RGS7: variants seen among roughly 807,000 people sequenced by gnomAD.
RGS7 encodes regulator of G protein signaling 7.
Under a neutral mutation model 81.1 loss-of-function variants are expected in RGS7, and 27 were observed. The ratio of observed to expected loss-of-function variants is 0.33; its 90% CI spans 0.25 to 0.46. The LOEUF is 0.46. RGS7 is among the 20% of genes least tolerant of loss of function. The pLI is 1.00. For missense variants in RGS7, 396 were observed against 607.4 expected (o/e 0.65, Z 3.66); for synonymous variants, 208 against 207.7 (o/e 1.00, Z -0.01).
intron 3 of RGS7, among the ~76,000 whole-genome samples, chr1:241,074,231 A>G (rs1472541130): frequency 1.3e-5 from 2 of 152,206 alleles, no homozygotes; most frequent in African/African-American, 2.4e-5. Context: ...AAGAGGAACA[A>G]TGGTGCTTTG....
At chr1:241,026,766 G>A (rs600901) in intron 3 of RGS7, among the ~76,000 whole-genome samples, 66,846 of 151,564 alleles carry the variant, frequency 0.44, 15,132 homozygotes, top group Middle Eastern at 0.54. Context: ...GTTAAGTACT[G>A]TGTGAAAATC....
At chr1:241,108,418 C>T (rs766594119) in intron 2 of RGS7, among the ~76,000 whole-genome samples, 3 of 151,746 alleles carry the variant, frequency 2.0e-5, no homozygotes, top group Non-Finnish European at 2.9e-5. Flanking sequence ...GACAGAAAGA[C>T]GGAAGTAGCA....
chr1:241,285,601 GAAGTT>G (rs1203887007), intron 2 of RGS7, among the ~76,000 whole-genome samples: 1 of 152,200 alleles, frequency 6.6e-6, no homozygotes, highest in African/African-American at 2.4e-5. Context: ...GAGTTACAGA[GAAGTT>G]AAGTAGCTTG....
At chr1:240,874,373 C>T (rs1037589295) in intron 6 of RGS7, among the ~76,000 whole-genome samples, 14 of 152,044 alleles carry the variant, frequency 9.2e-5, no homozygotes, top group Non-Finnish European at 2.1e-4. Flanking sequence ...TCACCAAGAA[C>T]CATGAACTGA....
chr1:240,996,096 T>C (rs1046065691), intron 3 of RGS7, among the ~76,000 whole-genome samples: 9 of 152,182 alleles, frequency 5.9e-5, no homozygotes, highest in Non-Finnish European at 1.2e-4. Flanking sequence ...GTTTGGAGAT[T>C]TTCCTTTTAG....
intron 3 of RGS7, among the ~76,000 whole-genome samples, chr1:240,987,065 C>T (rs973605298): frequency 2.0e-5 from 3 of 152,160 alleles, no homozygotes; most frequent in Non-Finnish European, 2.9e-5. Context: ...ACGTCTGCAC[C>T]CCTCCCCAGG....
At chr1:240,867,775 C>T (rs1165287150) in intron 9 of RGS7, among the ~76,000 whole-genome samples, 9 of 152,062 alleles carry the variant, frequency 5.9e-5, no homozygotes, top group Admixed American at 5.9e-4. Context: ...CTGAGGCAGA[C>T]AGACTGCTTG....
chr1:240,994,133 ATT>A (rs1479854933), intron 3 of RGS7, among the ~76,000 whole-genome samples: 2 of 152,192 alleles, frequency 1.3e-5, no homozygotes, highest in Non-Finnish European at 2.9e-5. Flanking sequence ...CTCCCACATT[ATT>A]TTTCTTTCAA....
Position 241,280,826 on chromosome 1 carries a change from A to G in RGS7, c.78+74873T>C, listed in dbSNP as rs576444590. On this transcript the variant is annotated intron_variant, in intron 2 of 18. Coordinates refer to ENST00000440928, the MANE Select transcript of RGS7 (RefSeq NM_001364886.1). ...GGCATGTGTGCAAGACTTTTTGTGG[A>G]TATATGTCTTCAGTTCTCTGGGCTA... Among the ~76,000 whole-genome samples, 8 of 152,314 alleles carry G rather than the reference A, an allele frequency of 5.3e-5. No individual in the cohort carries two copies. In the South Asian group the frequency reaches 1.4e-3, roughly 28 times the overall value.
chr1:241,211,567 T>C (rs558966378), intron 2 of RGS7, among the ~76,000 whole-genome samples: 17 of 152,294 alleles, frequency 1.1e-4, no homozygotes, highest in African/African-American at 4.1e-4. Context: ...ATACAGTTGG[T>C]ACTCATAAAG....
chr1:241,241,752 G>A (rs1326461616), intron 2 of RGS7, among the ~76,000 whole-genome samples: 1 of 152,086 alleles, frequency 6.6e-6, no homozygotes, highest in Non-Finnish European at 1.5e-5. Context: ...ATGTGTCTGT[G>A]CACATTAATG....
intron 3 of RGS7, among the ~76,000 whole-genome samples, chr1:241,070,391 T>C (rs1422544934): frequency 6.6e-6 from 1 of 151,790 alleles, no homozygotes; most frequent in East Asian, 1.9e-4. Context: ...AATTCATTTA[T>C]GACTTTTCAC....
At chr1:241,212,801 T>C (rs1288782975) in intron 2 of RGS7, among the ~76,000 whole-genome samples, 1 of 152,176 alleles carries the variant, frequency 6.6e-6, no homozygotes, top group Non-Finnish European at 1.5e-5. Context: ...GGCTTCCGCG[T>C]TGTTGTAGGA....
chr1:240,792,662 T>C (rs759574539), intron 18 of RGS7, among the ~76,000 whole-genome samples: 5 of 152,196 alleles, frequency 3.3e-5, no homozygotes, highest in Non-Finnish European at 5.9e-5. Flanking sequence ...AGAGAAGCTA[T>C]CATGATTTAT....
chr1:241,294,165 T>C (rs1190734033), intron 2 of RGS7, among the ~76,000 whole-genome samples: 1 of 152,106 alleles, frequency 6.6e-6, no homozygotes, highest in Non-Finnish European at 1.5e-5. Context: ...CTGGAAGCCA[T>C]CATTCTCAGC....
chr1:241,152,501 T>G (rs919060436), intron 2 of RGS7, among the ~76,000 whole-genome samples: 1 of 152,208 alleles, frequency 6.6e-6, no homozygotes, highest in Non-Finnish European at 1.5e-5. Context: ...ATGCAACTCA[T>G]TCCTGAAGCC....
chr1:241,324,396 C>G (rs1312970215), intron 2 of RGS7, among the ~76,000 whole-genome samples: 1 of 151,976 alleles, frequency 6.6e-6, no homozygotes, highest in African/African-American at 2.4e-5. Flanking sequence ...TTTCTTCCTA[C>G]CACCACAATT....
intron 6 of RGS7, among the ~76,000 whole-genome samples, chr1:240,886,054 TG>T (rs1667289074): frequency 6.6e-6 from 1 of 152,210 alleles, no homozygotes; most frequent in Non-Finnish European, 1.5e-5. Context: ...TTTTAAAAAA[TG>T]TAATAAAGTA....
intron 2 of RGS7, among the ~76,000 whole-genome samples, chr1:241,277,886 T>C (rs923533321): frequency 4.6e-5 from 7 of 152,252 alleles, no homozygotes; most frequent in African/African-American, 1.7e-4. Flanking sequence ...ATCTTCTGGT[T>C]CTGTAAAGTT....
Sources: gnomAD v4.1 joint callset for allele counts (sites outside exome capture counted in the v4.1 genomes callset) on GRCh38, gnomAD v4.1.1 for gene constraint, MANE v1.5 for transcripts, NCBI Gene and HGNC (gene_info 2026-07-23, HGNC 2026-07-21) for gene names.